The following TRMT9B variants were observed in gnomAD, a reference collection of about 807,000 sequenced individuals.
TRMT9B encodes probable tRNA methyltransferase 9B.
A neutral mutation model predicts 11.5 loss-of-function variants in TRMT9B; 16 were observed. That is an observed-to-expected ratio of 1.39 (90% CI 0.94 to 2.11). The LOEUF is 2.11. Among genes scored for constraint, TRMT9B ranks in the 30% most tolerant of loss-of-function variants. The pLI, the probability that TRMT9B is intolerant of heterozygous loss-of-function variation, is 0.00. For missense variants in TRMT9B, 941 were observed against 553.8 expected (o/e 1.70, Z -7.02); for synonymous variants, 274 against 192.4 (o/e 1.42, Z -3.51).
chr8:13,022,008 G>A lies in TRMT9B; in HGVS notation c.1329G>A (p.Trp443Ter), dbSNP rs1366170339. The A allele has an allele frequency of 6.2e-7, 1 of 1,607,648 alleles. No individual in the cohort carries two copies. The highest frequency in any genetic ancestry group is 8.5e-7 in the Non-Finnish European group (1 of 1,177,556). Residue 443 changes from tryptophan to a stop codon, truncating the protein, a stop_gained, in exon 5 of 5, where the codon TGG (tryptophan) becomes TGA (stop). Coordinates refer to ENST00000524591, the MANE Select transcript of TRMT9B (RefSeq NM_020844.3). LOFTEE classifies it high-confidence loss of function. ...ILSSGNDHGNWCIIAEKKRGC... is the reference protein window; with the variant it reads ...ILSSGNDHGN The stretch of plus-strand genomic sequence containing the variant: ...GTTCTGGGAATGATCATGGTAACTG[G>A]TGTATCATTGCAGAGAAAAAGAGAG...
In TRMT9B at chr8:12,999,347, G is replaced by T. The variant is rs1389300793; in HGVS notation, c.-1-6855G>T. Among the ~76,000 whole-genome samples, 5 of 151,488 alleles carry T rather than the reference G, an allele frequency of 3.3e-5. No individual in the cohort carries two copies. In the East Asian group the frequency reaches 9.7e-4, roughly 29 times the overall value. ...AAAAAAAAAAAGAAAGATTGTTCAGGGTGGGAGAAGATGGGAGGGGTGATT... is the reference window on the plus strand; with the variant it reads ...AAAAAAAAAAAGAAAGATTGTTCAGTGTGGGAGAAGATGGGAGGGGTGATT... On this transcript the variant is annotated intron_variant, in intron 2 of 4. Transcript: ENST00000524591.
rs1030151705 is a variant in TRMT9B, at chr8:13,010,578, T to A, written c.155-2106T>A. 11 of 985,104 alleles carry A rather than the reference T, an allele frequency of 1.1e-5. No individual in the cohort carries two copies. In the African/African-American group the frequency reaches 1.9e-4, roughly 17 times the overall value. 61.0% of individuals were successfully genotyped at this position (985,104 alleles called of 1,614,324 possible). On this transcript the variant is annotated intron_variant, in intron 3 of 4. Coordinates refer to ENST00000524591, the MANE Select transcript of TRMT9B (RefSeq NM_020844.3). ...GAAATGAATAGGGGCAAATCAAGAGTTCTAGGGCACTGGAAGCATGTCAGG... is the reference window on the plus strand; with the variant it reads ...GAAATGAATAGGGGCAAATCAAGAGATCTAGGGCACTGGAAGCATGTCAGG...
At chr8:12,998,155 G>A (rs938914976) in intron 2 of TRMT9B, among the ~76,000 whole-genome samples, 2 of 152,154 alleles carry the variant, frequency 1.3e-5, no homozygotes, top group African/African-American at 4.8e-5. Context: ...ATTGTCATCT[G>A]TATGTACTAC....
At chr8:12,976,834 G>T (rs1269203947) in intron 1 of TRMT9B, among the ~76,000 whole-genome samples, 6 of 152,144 alleles carry the variant, frequency 3.9e-5, no homozygotes, top group Non-Finnish European at 8.8e-5. Context: ...ACCCAGGAAA[G>T]AGCTGCCCAG....
At chr8:12,991,096 T>C in intron 2 of TRMT9B, 65 bp downstream of exon 2, 1 of 739,288 alleles carries the variant, frequency 1.4e-6, no homozygotes, top group Non-Finnish European at 1.8e-6. Context: ...TGTGCATATT[T>C]AGTGAACCTA....
intron 1 of TRMT9B, among the ~76,000 whole-genome samples, chr8:12,969,448 C>G (rs10100543): frequency 0.35 from 53,519 of 151,946 alleles, 10,617 homozygotes; most frequent in Middle Eastern, 0.56. Context: ...CACCCCTGTA[C>G]TAAAATTCAT....
intron 1 of TRMT9B, among the ~76,000 whole-genome samples, chr8:12,981,884 G>A (rs914738272): frequency 4.6e-5 from 7 of 151,998 alleles, no homozygotes; most frequent in Admixed American, 3.9e-4. Context: ...AGGTGACAAC[G>A]TTTTCATCAA....
chr8:12,984,604 G>A (rs1160753980), intron 1 of TRMT9B, among the ~76,000 whole-genome samples: 3 of 152,270 alleles, frequency 2.0e-5, no homozygotes, highest in South Asian at 4.1e-4. Context: ...CCTTTCGTAT[G>A]TAATAGCAGA....
chr8:12,958,045 G>A (rs974051069), intron 1 of TRMT9B, among the ~76,000 whole-genome samples: 2 of 152,114 alleles, frequency 1.3e-5, no homozygotes, highest in African/African-American at 4.8e-5. Flanking sequence ...GGCTGATAAA[G>A]ACATACCCGA....
At chr8:13,012,043 A>C in intron 3 of TRMT9B, 1 of 985,424 alleles carries the variant, frequency 1.0e-6, no homozygotes, top group East Asian at 1.1e-4. Context: ...TAGAGGCTAC[A>C]CGTGGTCTCT....
intron 4 of TRMT9B, among the ~76,000 whole-genome samples, chr8:13,020,068 C>G (rs1050468216): frequency 6.6e-6 from 1 of 152,140 alleles, no homozygotes; most frequent in African/African-American, 2.4e-5. Flanking sequence ...GGAAGGTAAA[C>G]TACAAAGATT....
At chr8:12,984,950 AACATACACACACACAC>A (rs1178247834) in intron 1 of TRMT9B, among the ~76,000 whole-genome samples, 72 of 112,386 alleles carry the variant, frequency 6.4e-4, no homozygotes, top group African/African-American at 2.6e-3. Context: ...CACCTCCCTC[AACATACACACACACAC>A]ACACACACAC....
At chr8:12,994,980 C>G (rs1389751664) in intron 2 of TRMT9B, among the ~76,000 whole-genome samples, 2 of 152,348 alleles carry the variant, frequency 1.3e-5, no homozygotes, top group South Asian at 4.1e-4. Context: ...CCGCGCCTGG[C>G]TGAAAAGAAC....
intron 1 of TRMT9B, among the ~76,000 whole-genome samples, chr8:12,989,206 G>C (rs1345835748): frequency 1.3e-5 from 2 of 152,076 alleles, no homozygotes; most frequent in Non-Finnish European, 1.5e-5. Flanking sequence ...CTAGAAGATG[G>C]CCTCCTGTTT....
intron 4 of TRMT9B, among the ~76,000 whole-genome samples, chr8:13,020,269 T>A (rs1813568215): frequency 6.6e-6 from 1 of 152,178 alleles, no homozygotes; most frequent in Non-Finnish European, 1.5e-5. Flanking sequence ...CTTGACACAA[T>A]ACCGTGATTA....
rs566717564 is a variant in TRMT9B at position 12,984,571 on chromosome 8, A to G, written c.-199-6263A>G. ...GGAGAAAAGAGGATGAGTAATACACATTCCACTCCTTCTCTGGAAGTGCCT... is the reference window on the plus strand; with the variant it reads ...GGAGAAAAGAGGATGAGTAATACACGTTCCACTCCTTCTCTGGAAGTGCCT... On this transcript the variant is annotated intron_variant, in intron 1 of 4. Transcript: ENST00000524591. Among the ~76,000 whole-genome samples, 9 of 152,276 alleles carry G rather than the reference A, an allele frequency of 5.9e-5. No homozygotes were observed. In the South Asian group the frequency reaches 1.7e-3, roughly 28 times the overall value.
chr8:13,010,890 C>T, intron 3 of TRMT9B: 1 of 960,762 alleles, frequency 1.0e-6, no homozygotes, highest in Non-Finnish European at 1.2e-6. Context: ...TTCTCATAAT[C>T]ATTATTGGGA....
chr8:12,982,992 C>T (rs1037142684), intron 1 of TRMT9B, among the ~76,000 whole-genome samples: 3 of 152,178 alleles, frequency 2.0e-5, no homozygotes, highest in Admixed American at 2.0e-4. Context: ...GTTCAGGCAC[C>T]AACCACGGGT....
At position 13,021,538 on chromosome 8, in the gene TRMT9B, T is replaced by G; in HGVS notation, c.859T>G (p.Ser287Ala). The G allele has an allele frequency of 6.2e-7, 1 of 1,613,878 alleles. No individual in the cohort carries two copies. The change falls in exon 5 of 5, where the codon TCC (serine) becomes GCC (alanine). Residue 287 changes from serine to alanine, a missense_variant. Ser to Ala is a moderately conservative substitution (Grantham distance 99). Transcript: ENST00000524591. ...CAGTAGCACTGTAACAGTCCAGCCT[T>G]CCAGACACTCTAGTTTAGACTTTGA... ...WASSTVTVQP[S>A]RHSSLDFDHQ...
Sources: gnomAD v4.1 joint callset for allele counts (sites outside exome capture counted in the v4.1 genomes callset) on GRCh38, gnomAD v4.1.1 for gene constraint, MANE v1.5 for transcripts, NCBI Gene and HGNC (gene_info 2026-07-23, HGNC 2026-07-21) for gene names.